The following RSPO1 variants were observed in gnomAD, a reference collection of about 807,000 sequenced individuals.
RSPO1 encodes R-spondin-1.
RSPO1 carries 18 observed loss-of-function variants against 26.0 expected under a neutral mutation model. The ratio of observed to expected loss-of-function variants is 0.69; its 90% confidence interval spans 0.48 to 1.03. The LOEUF (loss-of-function observed/expected upper bound fraction) is 1.03. RSPO1 is among the 50% of genes least tolerant of loss of function. The pLI is 0.00. For missense variants in RSPO1, 309 were observed against 352.3 expected (o/e 0.88, Z 0.98); for synonymous variants, 133 against 137.4 (o/e 0.97, Z 0.22).
Position 37,615,977 on chromosome 1 carries a change from T to C in RSPO1, c.286+507A>G, listed in dbSNP as rs144767161. 1.6e-4 allele frequency among the ~76,000 whole-genome samples: 25 copies of C among 152,200 alleles called. 1 individual carries two copies. In the East Asian group the frequency reaches 3.9e-3, roughly 23 times the overall value. On this transcript the variant is annotated intron_variant, in intron 4 of 6. Coordinates refer to ENST00000356545, the MANE Select transcript of RSPO1 (RefSeq NM_001242908.2). ...TCTGTGTCTCAGAAGTGTGATGAGATAGGTTGTGTGTCTCAGAAGTGTGAT... is the reference window on the plus strand; with the variant it reads ...TCTGTGTCTCAGAAGTGTGATGAGACAGGTTGTGTGTCTCAGAAGTGTGAT...
At chr1:37,615,194 C>A (rs916396015) in intron 4 of RSPO1, among the ~76,000 whole-genome samples, 12 of 152,190 alleles carry the variant, frequency 7.9e-5, no homozygotes, top group Admixed American at 1.3e-4. Flanking sequence ...GGTCCCACCT[C>A]TGTCCTCACA....
At chr1:37,618,985 G>A (rs1557432946) in intron 3 of RSPO1, among the ~76,000 whole-genome samples, 2 of 152,184 alleles carry the variant, frequency 1.3e-5, no homozygotes, top group Non-Finnish European at 2.9e-5. Flanking sequence ...ACTTTGGGAG[G>A]CTGAGATGGG....
chr1:37,632,548 G>C (rs1451369361), intron 1 of RSPO1, among the ~76,000 whole-genome samples, 195 bp from the exon 2 acceptor site: 1 of 152,228 alleles, frequency 6.6e-6, no homozygotes, highest in Non-Finnish European at 1.5e-5. Context: ...GGATGTGGAG[G>C]GGGTAAACTG....
At chr1:37,620,350 T>C (rs1176172703) in intron 3 of RSPO1, among the ~76,000 whole-genome samples, 2 of 152,070 alleles carry the variant, frequency 1.3e-5, no homozygotes, top group African/African-American at 4.8e-5. Flanking sequence ...CTGTCTCTAT[T>C]ACAAAAAATA....
chr1:37,612,681 A>G lies in RSPO1; in HGVS notation c.*74T>C. On this transcript the variant is annotated 3_prime_UTR_variant, in exon 7 of 7. Coordinates refer to ENST00000356545, the MANE Select transcript of RSPO1 (RefSeq NM_001242908.2). ...GTGTATGCTTTGCCCCCGACGTTCC[A>G]GTTCAGGAAAGCTTGAATCACGCAG... 6.5e-7 allele frequency: 1 copy of G among 1,527,998 alleles called. No homozygotes were observed. The highest frequency in any genetic ancestry group is 9.0e-7 in the Non-Finnish European group (1 of 1,114,472). The allele number at this position is 1,527,998 out of a possible 1,614,324, so 94.7% of individuals were successfully genotyped here.
rs561310980 is a variant in RSPO1, at chr1:37,624,039, C to A, written c.94+5529G>T. Reference sequence around the variant, plus strand: ...CCTCCCAAAGTTCTGGGATTACAGGCGTGAGCCACCAAGTCCGGCCGAGCT... The same window carrying A: ...CCTCCCAAAGTTCTGGGATTACAGGAGTGAGCCACCAAGTCCGGCCGAGCT... On this transcript the variant is annotated intron_variant, in intron 3 of 6. Transcript: ENST00000356545. 2.6e-5 allele frequency among the ~76,000 whole-genome samples: 4 copies of A among 152,154 alleles called. No individual in the cohort carries two copies. The South Asian group carries it at 6.2e-4, about 24-fold the overall frequency.
chr1:37,633,666 G>C (rs538900488), intron 1 of RSPO1, among the ~76,000 whole-genome samples: 134 of 143,896 alleles, frequency 9.3e-4, no homozygotes, highest in African/African-American at 3.3e-3. Context: ...ATTGCGGGCG[G>C]GGGGCGGGAC....
intron 3 of RSPO1, among the ~76,000 whole-genome samples, chr1:37,623,663 A>G (rs948669356): frequency 6.6e-6 from 1 of 151,210 alleles, no homozygotes; most frequent in African/African-American, 2.4e-5. Flanking sequence ...GGATCCCTTG[A>G]GCCTAGGAGT....
chr1:37,613,070 C>T lies in RSPO1; in HGVS notation c.626-149G>A. 2.4e-6 allele frequency: 2 copies of T among 843,776 alleles called. No homozygotes were observed. Among genetic ancestry groups the T allele is most frequent in the South Asian group, 1.4e-5 (1 of 69,338 alleles). The allele number at this position is 843,776 out of a possible 1,614,324, so 52.3% of individuals were successfully genotyped here. ...TGCTGCCTCTAGGTAGTTGGGTCAT[C>T]GTGACCTCCTCTGACAGCAGCCACT... is the stretch of plus-strand genomic sequence containing the variant. On this transcript the variant is annotated intron_variant, in intron 6 of 6. Coordinates refer to ENST00000356545, the MANE Select transcript of RSPO1 (RefSeq NM_001242908.2). This position sits in a 1 kb window ranked among gnomAD's most constrained non-coding sequence, Gnocchi z 4.5.
rs1248855542 is a variant in RSPO1, at chr1:37,612,512, GTGTGTGTGTA to G, written c.*233_*242del. On this transcript the variant is annotated 3_prime_UTR_variant, in exon 7 of 7. Transcript: ENST00000356545. ...CTGGTGGCCTCAGGTGTGTGTGTGT[GTGTGTGTGTA>G]TGTGTGTGTGTGGTGTCTGTGTCTG... The G allele has an allele frequency of 8.7e-5, 51 of 588,212 alleles. No homozygotes were observed. Among genetic ancestry groups the G allele is most frequent in the South Asian group, 8.5e-4 (44 of 51,990 alleles). The allele number at this position is 588,212 out of a possible 1,614,324, so 36.4% of individuals were successfully genotyped here. A position where few individuals can be genotyped will look rare whatever the true frequency, so the allele number is the denominator to read the frequency against.
intron 3 of RSPO1, among the ~76,000 whole-genome samples, chr1:37,628,352 C>G (rs1644308936): frequency 6.6e-6 from 1 of 152,182 alleles, no homozygotes; most frequent in African/African-American, 2.4e-5. Flanking sequence ...GTTTGTTAAG[C>G]CAGGGATTTT....
Position 37,612,680 on chromosome 1 carries a change from C to G in RSPO1, c.*75G>C. On this transcript the variant is annotated 3_prime_UTR_variant, in exon 7 of 7. Transcript: ENST00000356545. ...TGTGTATGCTTTGCCCCCGACGTTC[C>G]AGTTCAGGAAAGCTTGAATCACGCA... 6.6e-7 allele frequency: 1 copy of G among 1,521,440 alleles called. No individual in the cohort carries two copies. The highest frequency in any genetic ancestry group is 2.3e-5 in the East Asian group (1 of 44,234). The allele number at this position is 1,521,440 out of a possible 1,614,324, so 94.2% of individuals were successfully genotyped here.
At position 37,613,030 on chromosome 1, in the gene RSPO1, G is replaced by A; in HGVS notation, c.626-109C>T. 4 of 1,212,154 alleles carry A rather than the reference G, an allele frequency of 3.3e-6. No homozygotes were observed. The highest frequency in any genetic ancestry group is 4.8e-6 in the Non-Finnish European group (4 of 838,576). 75.1% of individuals were successfully genotyped at this position (1,212,154 alleles called of 1,614,324 possible). The stretch of plus-strand genomic sequence containing the variant: ...GTGAGGAAGCCGGAAGGGGAGGCAG[G>A]GAGGAGGCTGGAGATGCTGCCTCTA... On this transcript the variant is annotated intron_variant, in intron 6 of 6. Transcript: ENST00000356545. This position sits in a 1 kb window ranked among gnomAD's most constrained non-coding sequence, Gnocchi z 4.5.
In RSPO1 at chr1:37,613,964, T is replaced by G; in HGVS notation, c.437-72A>C. ...TCATGTCTCCTCCTCTGGCCCAGAATAGCCCAGGGGAGCATCTCCCACTTT... is the reference window on the plus strand; with the variant it reads ...TCATGTCTCCTCCTCTGGCCCAGAAGAGCCCAGGGGAGCATCTCCCACTTT... On this transcript the variant is annotated intron_variant, in intron 5 of 6. Coordinates refer to ENST00000356545, the MANE Select transcript of RSPO1 (RefSeq NM_001242908.2). This position sits in a 1 kb window ranked among gnomAD's most constrained non-coding sequence, Gnocchi z 4.5. 1 of 1,531,978 alleles carries G rather than the reference T, an allele frequency of 6.5e-7. No individual in the cohort carries two copies. Among genetic ancestry groups the G allele is most frequent in the Non-Finnish European group, 9.0e-7 (1 of 1,106,432 alleles). The allele number at this position is 1,531,978 out of a possible 1,614,324, so 94.9% of individuals were successfully genotyped here.
chr1:37,617,208 C>CT (rs1644127811), intron 3 of RSPO1, among the ~76,000 whole-genome samples: 1 of 152,160 alleles, frequency 6.6e-6, no homozygotes, highest in African/African-American at 2.4e-5. Flanking sequence ...GCCTAGAAAG[C>CT]TTTTTGGTGA....
At chr1:37,625,680 CTT>C (rs1188013655) in intron 3 of RSPO1, among the ~76,000 whole-genome samples, 16 of 137,704 alleles carry the variant, frequency 1.2e-4, no homozygotes, top group Non-Finnish European at 1.1e-4. Flanking sequence ...GCCCAGGATT[CTT>C]TTTTTTTTTT....
rs115480031 is a variant in RSPO1, at chr1:37,626,612, C to A, written c.94+2956G>T. Among the ~76,000 whole-genome samples, 978 of 152,204 alleles carry A rather than the reference C, an allele frequency of 6.4e-3. 10 individuals are homozygous for A. The highest frequency in any genetic ancestry group is 0.022 in the African/African-American group (926 of 41,510). ...ATTTGCAGAATGACCCAAGGAAGGACTGGGGATTCAGTGAGGGATGAGGGA... is the reference window on the plus strand; with the variant it reads ...ATTTGCAGAATGACCCAAGGAAGGAATGGGGATTCAGTGAGGGATGAGGGA... On this transcript the variant is annotated intron_variant, in intron 3 of 6. Coordinates refer to ENST00000356545, the MANE Select transcript of RSPO1 (RefSeq NM_001242908.2).
chr1:37,631,178 A>G (rs1292422990), intron 2 of RSPO1, among the ~76,000 whole-genome samples: 1 of 151,968 alleles, frequency 6.6e-6, no homozygotes, highest in African/African-American at 2.4e-5. Context: ...TGCACGGGAG[A>G]TAAATCATTA....
intron 3 of RSPO1, among the ~76,000 whole-genome samples, chr1:37,618,133 T>C (rs981164044): frequency 2.0e-5 from 3 of 152,220 alleles, no homozygotes; most frequent in Non-Finnish European, 4.4e-5. Flanking sequence ...GTTTTCTATC[T>C]TTATATCATG....
Sources: gnomAD v4.1 joint callset for allele counts (sites outside exome capture counted in the v4.1 genomes callset) on GRCh38, gnomAD v4.1.1 for gene constraint, Gnocchi (gnomAD v3.1) non-coding constraint, MANE v1.5 for transcripts, NCBI Gene and HGNC (gene_info 2026-07-23, HGNC 2026-07-21) for gene names.